The following RASAL2 variants were observed in gnomAD, a reference collection of about 807,000 sequenced individuals.
RASAL2 encodes RAS protein activator like 2.
RASAL2 carries 58 observed loss-of-function variants against 128.9 expected under a neutral mutation model. The ratio of observed to expected loss-of-function variants is 0.45; its 90% CI spans 0.36 to 0.56. RASAL2 has a LOEUF of 0.56. Ranked by LOEUF, RASAL2 falls within the 20% of genes least tolerant of loss-of-function variation. RASAL2 has a pLI of 0.00. For synonymous variants in RASAL2, 561 were observed against 580.8 expected, an observed-to-expected ratio of 0.97 and a Z score of 0.49; for missense variants, 1,360 against 1,601.6, an observed-to-expected ratio of 0.85 and a Z score of 2.57.
At chr1:178,311,253 A>AACACAC (rs67243509) in intron 3 of RASAL2, among the ~76,000 whole-genome samples, 4,839 of 143,664 alleles carry the variant, frequency 0.034, 128 homozygotes, top group East Asian at 0.12. Flanking sequence ...CACACACACA[A>AACACAC]ACACACACAC....
At chr1:178,280,902 CA>C (rs1411807845) in intron 1 of RASAL2, among the ~76,000 whole-genome samples, 1 of 151,918 alleles carries the variant, frequency 6.6e-6, no homozygotes, top group Non-Finnish European at 1.5e-5. Flanking sequence ...TGAAATGGGA[CA>C]AAAATCTGAG....
At chr1:178,433,361 T>C (rs1439809010) in intron 5 of RASAL2, among the ~76,000 whole-genome samples, 1 of 152,136 alleles carries the variant, frequency 6.6e-6, no homozygotes, top group Non-Finnish European at 1.5e-5. Context: ...TTTTTTGGCA[T>C]CCTTTTTCGT....
At chr1:178,175,471 T>TGTGTGA (rs777301625) in intron 1 of RASAL2, among the ~76,000 whole-genome samples, 29 of 151,790 alleles carry the variant, frequency 1.9e-4, no homozygotes, top group African/African-American at 4.1e-4. Flanking sequence ...TGTGTGTGTG[T>TGTGTGA]GATAACTATG....
chr1:178,190,467 T>C (rs1662453650), intron 1 of RASAL2, among the ~76,000 whole-genome samples: 1 of 152,212 alleles, frequency 6.6e-6, no homozygotes, highest in African/African-American at 2.4e-5. Context: ...TTCTAATTTT[T>C]GTTTTGTAAT....
chr1:178,320,369 A>C (rs1668703551), intron 3 of RASAL2, among the ~76,000 whole-genome samples: 2 of 152,198 alleles, frequency 1.3e-5, no homozygotes, highest in Admixed American at 1.3e-4. Context: ...AAGCCTGGGC[A>C]ATGGTGGGCA....
intron 3 of RASAL2, among the ~76,000 whole-genome samples, chr1:178,312,405 A>G (rs1668302352): frequency 6.6e-6 from 1 of 152,224 alleles, no homozygotes; most frequent in African/African-American, 2.4e-5. Context: ...ATTCTGAAGG[A>G]AATTTTTTTC....
At chr1:178,462,255 C>G (rs1249357600) in intron 14 of RASAL2, among the ~76,000 whole-genome samples, 2 of 151,856 alleles carry the variant, frequency 1.3e-5, no homozygotes, top group Admixed American at 1.3e-4. Flanking sequence ...TGGTGCCCTT[C>G]CAAAGGATTA....
At chr1:178,387,586 C>G (rs376423460) in intron 3 of RASAL2, among the ~76,000 whole-genome samples, 5 of 150,670 alleles carry the variant, frequency 3.3e-5, no homozygotes, top group Middle Eastern at 6.8e-3. Context: ...CATGTGTTCT[C>G]ATTGTTCAGT....
intron 3 of RASAL2, among the ~76,000 whole-genome samples, chr1:178,327,716 A>C (rs1669102084): frequency 6.6e-6 from 1 of 152,190 alleles, no homozygotes; most frequent in South Asian, 2.1e-4. Flanking sequence ...TCTTGTACCT[A>C]GAAAAACAGT....
chr1:178,325,753 A>C (rs1669007227), intron 3 of RASAL2, among the ~76,000 whole-genome samples: 1 of 152,200 alleles, frequency 6.6e-6, no homozygotes, highest in Admixed American at 6.5e-5. Flanking sequence ...CTGATACAGT[A>C]TAGAGTTACA....
At chr1:178,416,937 G>T (rs772818748) in intron 4 of RASAL2, among the ~76,000 whole-genome samples, 1 of 148,460 alleles carries the variant, frequency 6.7e-6, no homozygotes, top group Non-Finnish European at 1.5e-5. Flanking sequence ...AAAATTATAT[G>T]CCTCAGTGTA....
chr1:178,270,767 A>G (rs1169501993), intron 1 of RASAL2, among the ~76,000 whole-genome samples: 1 of 151,904 alleles, frequency 6.6e-6, no homozygotes, highest in Non-Finnish European at 1.5e-5. Context: ...GACCTTGCCC[A>G]TTTTAAGGGC....
chr1:178,288,433 C>T (rs1462401937), intron 2 of RASAL2, among the ~76,000 whole-genome samples: 1 of 151,988 alleles, frequency 6.6e-6, no homozygotes, highest in Non-Finnish European at 1.5e-5. Flanking sequence ...ATCTGCCTAA[C>T]AGCAACTGTT....
chr1:178,424,041 G>T (rs1675337542), intron 5 of RASAL2, among the ~76,000 whole-genome samples: 1 of 151,992 alleles, frequency 6.6e-6, no homozygotes, highest in South Asian at 2.1e-4. Flanking sequence ...GATCAAATTT[G>T]ATCAGAACAT....
chr1:178,234,397 G>A (rs1237607367), intron 1 of RASAL2, among the ~76,000 whole-genome samples: 3 of 152,114 alleles, frequency 2.0e-5, no homozygotes, highest in African/African-American at 7.2e-5. Context: ...TACTCCATTT[G>A]AATATGGAAG....
chr1:178,236,534 T>C (rs1227386863), intron 1 of RASAL2, among the ~76,000 whole-genome samples: 3 of 152,182 alleles, frequency 2.0e-5, no homozygotes, highest in African/African-American at 4.8e-5. Flanking sequence ...CTCAAGCCTA[T>C]AAAGATTAGT....
chr1:178,100,155 C>A (rs1389199577), intron 1 of RASAL2, among the ~76,000 whole-genome samples: 1 of 151,922 alleles, frequency 6.6e-6, no homozygotes, highest in East Asian at 1.9e-4. Context: ...TCTAGAACAC[C>A]CCTCTTTAAG....
At chr1:178,215,846 A>G (rs1436007050) in intron 1 of RASAL2, among the ~76,000 whole-genome samples, 1 of 152,194 alleles carries the variant, frequency 6.6e-6, no homozygotes, top group East Asian at 1.9e-4. Context: ...CCTTTGCAAT[A>G]TCCATCTAGC....
chr1:178,124,733 T>C (rs1039580060), intron 1 of RASAL2, among the ~76,000 whole-genome samples: 55 of 152,228 alleles, frequency 3.6e-4, no homozygotes, highest in African/African-American at 1.3e-3. Flanking sequence ...ATTAGACCTA[T>C]ATGGTATGAG....
Sources: gnomAD v4.1 joint callset for allele counts (sites outside exome capture counted in the v4.1 genomes callset) on GRCh38, gnomAD v4.1.1 for gene constraint, MANE v1.5 for transcripts, NCBI Gene and HGNC (gene_info 2026-07-23, HGNC 2026-07-21) for gene names.